The following HS6ST3 variants were observed in gnomAD, a reference collection of about 807,000 sequenced individuals.
HS6ST3 encodes the protein heparan sulfate 6-O-sulfotransferase 3, also known as heparan-sulfate 6-O-sulfotransferase 3.
Under a neutral mutation model 36.7 loss-of-function variants are expected in HS6ST3, and 12 were observed. The ratio of observed to expected loss-of-function variants is 0.33; its 90% CI spans 0.21 to 0.53. The LOEUF is 0.53. Ranked by LOEUF, HS6ST3 falls within the 20% of genes least tolerant of loss-of-function variation. The pLI is 0.95. For missense variants in HS6ST3, 584 were observed against 640.9 expected, an observed-to-expected ratio of 0.91 and a Z score of 0.96; for synonymous variants, 240 against 257.5, an observed-to-expected ratio of 0.93 and a Z score of 0.65.
intron 1 of HS6ST3, among the ~76,000 whole-genome samples, chr13:96,260,841 T>C (rs2054662765): frequency 6.6e-6 from 1 of 152,070 alleles, no homozygotes; most frequent in African/African-American, 2.4e-5. Context: ...GGTTTTGCCA[T>C]GTTGGCCAGG....
intron 1 of HS6ST3, among the ~76,000 whole-genome samples, chr13:96,184,170 C>T (rs1253140512): frequency 7.3e-6 from 1 of 136,358 alleles, no homozygotes; most frequent in Non-Finnish European, 1.5e-5. Context: ...CACTGCCATC[C>T]AGCCTGGCAA....
intron 1 of HS6ST3, among the ~76,000 whole-genome samples, chr13:96,763,838 A>C (rs1241392717): frequency 6.6e-6 from 1 of 152,180 alleles, no homozygotes; most frequent in African/African-American, 2.4e-5. Context: ...AAATAAGTAC[A>C]CAGGAAAAAA....
intron 1 of HS6ST3, among the ~76,000 whole-genome samples, chr13:96,168,335 C>A (rs958920336): frequency 2.0e-5 from 3 of 152,052 alleles, no homozygotes; most frequent in Admixed American, 1.3e-4. Flanking sequence ...TATCATTGAC[C>A]AGTTGTTTAA....
chr13:96,815,886 G>T (rs985343578), intron 1 of HS6ST3, among the ~76,000 whole-genome samples: 1 of 152,184 alleles, frequency 6.6e-6, no homozygotes, highest in Non-Finnish European at 1.5e-5. Context: ...TCCCCCATGA[G>T]CCGCTAAGAA....
chr13:96,654,953 C>A (rs140529273), intron 1 of HS6ST3, among the ~76,000 whole-genome samples: 105 of 152,090 alleles, frequency 6.9e-4, no homozygotes, highest in African/African-American at 2.5e-3. Context: ...GGATATTTAT[C>A]CTGACAAGGG....
At chr13:96,516,567 C>G (rs551047623) in intron 1 of HS6ST3, among the ~76,000 whole-genome samples, 2 of 152,212 alleles carry the variant, frequency 1.3e-5, no homozygotes, top group African/African-American at 4.8e-5. Context: ...AATATATATG[C>G]TATCAAATTA....
intron 1 of HS6ST3, among the ~76,000 whole-genome samples, chr13:96,136,063 CGTATAGG>C (rs553356984): frequency 5.6e-4 from 85 of 152,064 alleles, no homozygotes; most frequent in Non-Finnish European, 1.0e-3. Context: ...GTGTGTCTGC[CGTATAGG>C]GTCATTCTGA....
rs752134995 is a variant in HS6ST3 at position 96,773,321 on chromosome 13, C to T, written c.708-59169C>T. ...GCCTGGAATGCCAGTGAGACAGAAC[C>T]GTTCACTCCACTGGAAAGGGGGCTG... On this transcript the variant is annotated intron_variant, in intron 1 of 1. Coordinates refer to ENST00000376705, the MANE Select transcript of HS6ST3 (RefSeq NM_153456.4). 6.6e-4 allele frequency among the ~76,000 whole-genome samples: 100 copies of T among 152,226 alleles called. 2 individuals are homozygous for T. The highest frequency in any genetic ancestry group is 2.2e-3 in the African/African-American group (93 of 41,538).
intron 1 of HS6ST3, among the ~76,000 whole-genome samples, chr13:96,195,794 C>T (rs553179725): frequency 2.0e-5 from 3 of 152,260 alleles, no homozygotes; most frequent in South Asian, 4.2e-4. Flanking sequence ...ATTCAGAGCC[C>T]TTTGTGCCTT....
intron 1 of HS6ST3, among the ~76,000 whole-genome samples, chr13:96,294,532 C>G (rs1343940966): frequency 6.6e-6 from 1 of 152,038 alleles, no homozygotes; most frequent in African/African-American, 2.4e-5. Context: ...AATGCAAACC[C>G]AGGATGTTCC....
chr13:96,781,961 A>C (rs1327251785), intron 1 of HS6ST3, among the ~76,000 whole-genome samples: 1 of 152,226 alleles, frequency 6.6e-6, no homozygotes, highest in Non-Finnish European at 1.5e-5. Flanking sequence ...TTATTTTCAT[A>C]AATATGTTCC....
chr13:96,341,964 A>G lies in HS6ST3; in HGVS notation c.707+250395A>G, dbSNP rs1320544107. ...AGTGATTTTAAGTGTACATATCTTC[A>G]GTGGATGGAGTATATTCTAAGTGAG... On this transcript the variant is annotated intron_variant, in intron 1 of 1. Coordinates refer to ENST00000376705, the MANE Select transcript of HS6ST3 (RefSeq NM_153456.4). 2.0e-5 allele frequency among the ~76,000 whole-genome samples: 3 copies of G among 152,288 alleles called. No individual in the cohort carries two copies. In the East Asian group the frequency reaches 5.8e-4, roughly 29 times the overall value.
intron 1 of HS6ST3, among the ~76,000 whole-genome samples, chr13:96,726,104 G>A (rs1304629268): frequency 6.6e-6 from 1 of 152,128 alleles, no homozygotes; most frequent in Non-Finnish European, 1.5e-5. Context: ...CCAAAGTGCT[G>A]GGATTACAGG....
intron 1 of HS6ST3, among the ~76,000 whole-genome samples, chr13:96,303,026 C>T (rs1055140478): frequency 3.3e-5 from 5 of 152,066 alleles, no homozygotes; most frequent in Non-Finnish European, 7.4e-5. Flanking sequence ...TGAGTGAATG[C>T]GATAGAGACT....
intron 1 of HS6ST3, among the ~76,000 whole-genome samples, chr13:96,652,022 A>G (rs2056609294): frequency 6.6e-6 from 1 of 152,106 alleles, no homozygotes; most frequent in African/African-American, 2.4e-5. Context: ...AGTCTCAGGC[A>G]TATATATACA....
chr13:96,653,661 A>C (rs982684058), intron 1 of HS6ST3, among the ~76,000 whole-genome samples: 1 of 152,176 alleles, frequency 6.6e-6, no homozygotes, highest in Non-Finnish European at 1.5e-5. Flanking sequence ...CAGTGCTGCA[A>C]TAAACATATG....
At chr13:96,480,465 C>T (rs547074134) in intron 1 of HS6ST3, among the ~76,000 whole-genome samples, 5 of 151,976 alleles carry the variant, frequency 3.3e-5, no homozygotes, top group East Asian at 3.9e-4. Flanking sequence ...TGACTGTGTG[C>T]GTGTGTGCAT....
At chr13:96,206,830 A>G (rs1293652347) in intron 1 of HS6ST3, among the ~76,000 whole-genome samples, 3 of 152,210 alleles carry the variant, frequency 2.0e-5, no homozygotes, top group Admixed American at 6.5e-5. Context: ...AAAGACTTAA[A>G]TATAAAACCC....
At chr13:96,431,258 A>ACC (rs1266366492) in intron 1 of HS6ST3, among the ~76,000 whole-genome samples, 1 of 147,168 alleles carries the variant, frequency 6.8e-6, no homozygotes, top group Admixed American at 6.7e-5. Flanking sequence ...ACAACAACAA[A>ACC]TAAACCAAAA....
Sources: allele counts gnomAD v4.1 joint callset (sites outside exome capture counted in the v4.1 genomes callset), GRCh38; gene constraint gnomAD v4.1.1; transcripts MANE v1.5; gene names NCBI Gene and HGNC (gene_info 2026-07-23, HGNC 2026-07-21).